Variants in FAM76B observed in about 807,000 individuals in gnomAD.
FAM76B encodes the protein family with sequence similarity 76 member B.
FAM76B carries 16 observed loss-of-function variants against 51.8 expected under a neutral mutation model. The observed-to-expected ratio is 0.31, with a 90% CI of 0.21 to 0.47. The LOEUF (loss-of-function observed/expected upper bound fraction) is 0.47. Ranked by LOEUF, FAM76B falls within the 20% of genes least tolerant of loss-of-function variation. The probability of loss-of-function intolerance (pLI) is 1.00; values close to 1 mark genes in which losing one functional copy is unlikely to be tolerated. For missense variants in FAM76B, 342 were observed against 392.6 expected (o/e 0.87, Z 1.09); for synonymous variants, 166 against 129.5 (o/e 1.28, Z -1.91).
At chr11:95,772,191 AT>A (rs199858926) in intron 9 of FAM76B, among the ~76,000 whole-genome samples, 1 of 150,794 alleles carries the variant, frequency 6.6e-6, no homozygotes, top group Non-Finnish European at 1.5e-5. Flanking sequence ...ATGATATTCA[AT>A]TTTTTTTAAA....
intron 9 of FAM76B, among the ~76,000 whole-genome samples, chr11:95,773,103 A>G (rs1458449906): frequency 6.8e-6 from 1 of 146,048 alleles, no homozygotes; most frequent in Admixed American, 6.9e-5. Context: ...CAAAATAGTT[A>G]AAATGTGAAT....
Position 95,778,813 on chromosome 11 carries a change from T to C in FAM76B, c.828+9A>G, listed in dbSNP as rs377673870. ...ACTCTTACCAGGCTTCAATGAACCA[T>C]GTTCTTACCTTTTTATCTTTTTCTA... On this transcript the variant is annotated intron_variant, in intron 8 of 9. Coordinates refer to ENST00000358780, the MANE Select transcript of FAM76B (RefSeq NM_144664.5). The C allele has an allele frequency of 3.5e-5, 56 of 1,592,496 alleles. No individual in the cohort carries two copies. The African/African-American group carries it at 7.1e-4, about 20-fold the overall frequency.
At chr11:95,778,772 C>T (rs763209031) in intron 8 of FAM76B, 50 bp downstream of exon 8, 15 of 1,509,752 alleles carry the variant, frequency 9.9e-6, no homozygotes, top group Non-Finnish European at 1.3e-5. Context: ...GATTATCAAG[C>T]AACAGTCAAC....
At position 95,789,192 on chromosome 11, in the gene FAM76B, A is replaced by G; in HGVS notation, c.87+200T>C. 5 of 985,278 alleles carry G rather than the reference A, an allele frequency of 5.1e-6. No homozygotes were observed. In the Admixed American group the frequency reaches 1.2e-4, roughly 23 times the overall value. The allele number at this position is 985,278 out of a possible 1,614,324, so 61.0% of individuals were successfully genotyped here. On this transcript the variant is annotated intron_variant, in intron 1 of 9. Coordinates refer to ENST00000358780, the MANE Select transcript of FAM76B (RefSeq NM_144664.5). ...CCTGGGCCGCCTGGAAAAGGGCACG[A>G]TTCTGCCTCCCTTTCAGGGTCCGTT...
intron 5 of FAM76B, among the ~76,000 whole-genome samples, chr11:95,781,554 G>C (rs533773827): frequency 6.1e-4 from 93 of 152,110 alleles, no homozygotes; most frequent in Middle Eastern, 6.8e-3. Context: ...AACATAATCT[G>C]ATTGTGTCCT....
At chr11:95,778,352 T>C (rs866785201) in intron 8 of FAM76B, among the ~76,000 whole-genome samples, 15 of 151,490 alleles carry the variant, frequency 9.9e-5, no homozygotes, top group South Asian at 2.1e-4. Flanking sequence ...AGACATCTAT[T>C]GCTAATTACT....
At chr11:95,780,061 G>C (rs1860189934) in intron 5 of FAM76B, 135 bp from the exon 6 acceptor site, 1 of 724,336 alleles carries the variant, frequency 1.4e-6, no homozygotes. Context: ...TAAGTTTTCA[G>C]ACTAAGCTAA....
intron 8 of FAM76B, 72 bp downstream of exon 8, chr11:95,778,750 A>G: frequency 6.8e-7 from 1 of 1,471,740 alleles, no homozygotes; most frequent in Middle Eastern, 1.8e-4. Context: ...AAGGAAGTCT[A>G]ATAAAATTTG....
chr11:95,779,073 T>C (rs1860138144), intron 7 of FAM76B, 116 bp from the exon 8 acceptor site: 1 of 1,591,118 alleles, frequency 6.3e-7, no homozygotes, highest in Non-Finnish European at 8.5e-7. Context: ...CAAAAAAATA[T>C]GTACCTGACA....
At chr11:95,777,638 CTATTTTA>C (rs557814218) in intron 8 of FAM76B, among the ~76,000 whole-genome samples, 213 of 151,430 alleles carry the variant, frequency 1.4e-3, no homozygotes, top group Middle Eastern at 6.8e-3. Flanking sequence ...CGTAACTATC[CTATTTTA>C]TATGTCACTC....
At chr11:95,787,483 G>A (rs1480668299) in intron 3 of FAM76B, 141 bp downstream of exon 3, 9 of 666,798 alleles carry the variant, frequency 1.3e-5, no homozygotes, top group Admixed American at 5.3e-5. Flanking sequence ...CTTGTGATCC[G>A]CCCTCCTCGG....
chr11:95,783,247 T>C lies in FAM76B; in HGVS notation c.381A>G (p.Leu127=). The C allele has an allele frequency of 6.2e-7, 1 of 1,612,392 alleles. No homozygotes were observed. The highest frequency in any genetic ancestry group is 1.7e-5 in the Admixed American group (1 of 59,914). ...TGTACGATAAAGTACAGAGCCAGCA[T>C]AATAACTTTCCATCAACCTTTTAAG... is the stretch of plus-strand genomic sequence containing the variant. ...EGRRKVDGKL[L]CWLCTLSYKR... is the part of the protein sequence containing the mutation. The change falls in exon 5 of 10, where the codon TTA becomes TTG. Residue 127 remains leucine (L), a synonymous_variant. Transcript: ENST00000358780.
rs761441590 is a variant in FAM76B at position 95,783,187 on chromosome 11, C to G, written c.441G>C (p.Lys147Asn). 13 of 1,613,950 alleles carry G rather than the reference C, an allele frequency of 8.1e-6. No homozygotes were observed. The highest frequency in any genetic ancestry group is 1.1e-5 in the Non-Finnish European group (13 of 1,179,924). The change falls in exon 5 of 10, where the codon AAG (lysine) becomes AAC (asparagine). Residue 147 changes from lysine (K) to asparagine (N), a missense_variant. Around this residue, in one of 3 missense-constraint regions of FAM76B, gnomAD observed 230 missense variants for 257.4 expected, o/e 0.89. Transcript: ENST00000358780. ...AATTTGAATGTGAAGATCCCAGGCT[C>G]TTCCTTTGTTCTTTCGTCTTCTGTA... is the stretch of plus-strand genomic sequence containing the variant. Reference protein sequence around the residue: ...RVLQKTKEQRKSLGSSHSNSS... With the variant: ...RVLQKTKEQRNSLGSSHSNSS...
At chr11:95,778,618 C>T (rs1323530095) in intron 8 of FAM76B, among the ~76,000 whole-genome samples, 2 of 151,446 alleles carry the variant, frequency 1.3e-5, no homozygotes, top group Non-Finnish European at 3.0e-5. Context: ...AATTAAGCCT[C>T]AGTTAATTCT....
At chr11:95,788,842 T>C (rs771797886) in intron 1 of FAM76B, 65 of 1,418,624 alleles carry the variant, frequency 4.6e-5, no homozygotes, top group Non-Finnish European at 6.0e-5. Context: ...AATGTGAAAC[T>C]ACTTATTATT....
intron 2 of FAM76B, among the ~76,000 whole-genome samples, chr11:95,788,139 G>A (rs1467572632): frequency 1.3e-5 from 2 of 152,150 alleles, no homozygotes; most frequent in Non-Finnish European, 2.9e-5. Flanking sequence ...CAAATTATTA[G>A]ATTTTCACCT....
At chr11:95,787,160 T>C (rs943280962) in intron 3 of FAM76B, among the ~76,000 whole-genome samples, 1 of 152,222 alleles carries the variant, frequency 6.6e-6, no homozygotes, top group Non-Finnish European at 1.5e-5. Context: ...TTAAATGTTA[T>C]CACCTTTCCA....
chr11:95,788,055 C>T (rs973446144), intron 2 of FAM76B, among the ~76,000 whole-genome samples: 5 of 152,148 alleles, frequency 3.3e-5, no homozygotes, highest in Non-Finnish European at 7.4e-5. Flanking sequence ...TTGTTCTTTT[C>T]TGAGGCTACT....
At chr11:95,789,146 G>A in intron 1 of FAM76B, 6 of 1,234,368 alleles carry the variant, frequency 4.9e-6, no homozygotes, top group Non-Finnish European at 6.5e-6. Context: ...ACCCCCAGAC[G>A]CTGACGGGGC....
Sources: gnomAD v4.1 joint callset for allele counts (sites outside exome capture counted in the v4.1 genomes callset) on GRCh38, gnomAD v4.1.1 for gene constraint, gnomAD v4.1.1 regional missense constraint, MANE v1.5 for transcripts, NCBI Gene and HGNC (gene_info 2026-07-23, HGNC 2026-07-21) for gene names.